Variants in RBFOX1 observed in about 807,000 individuals in gnomAD.
The protein encoded by RBFOX1 is RNA binding protein fox-1 homolog 1.
In RBFOX1, 8 loss-of-function variants were observed where a neutral mutation model predicts 57.7. That is an observed-to-expected ratio of 0.14 (90% confidence interval 0.08 to 0.25). The LOEUF (loss-of-function observed/expected upper bound fraction) is 0.25. RBFOX1 is among the 10% of genes least tolerant of loss of function. The probability of loss-of-function intolerance (pLI) is 1.00; values close to 1 mark genes in which losing one functional copy is unlikely to be tolerated. For missense variants in RBFOX1, 611 were observed against 548.5 expected (o/e 1.11, Z -1.14); for synonymous variants, 326 against 222.4 (o/e 1.47, Z -4.15).
At chr16:5,718,839 G>A (rs1463149183) in intron 3 of RBFOX1, among the ~76,000 whole-genome samples, 2 of 152,138 alleles carry the variant, frequency 1.3e-5, no homozygotes, top group Admixed American at 1.3e-4. Flanking sequence ...AACCTGGGAG[G>A]CTGAGGTCGC....
chr16:7,559,444 C>T (rs1408394864), intron 5 of RBFOX1, among the ~76,000 whole-genome samples: 2 of 152,152 alleles, frequency 1.3e-5, no homozygotes, highest in African/African-American at 4.8e-5. Context: ...CCATTGGAAA[C>T]ATCACCTGCC....
chr16:7,161,190 A>G (rs2078252804), intron 4 of RBFOX1, among the ~76,000 whole-genome samples: 1 of 152,184 alleles, frequency 6.6e-6, no homozygotes, highest in South Asian at 2.1e-4. Flanking sequence ...TATCTGCAGC[A>G]GGACTATGTG....
At chr16:7,189,278 T>C (rs916110745) in intron 4 of RBFOX1, among the ~76,000 whole-genome samples, 1 of 151,322 alleles carries the variant, frequency 6.6e-6, no homozygotes, top group Non-Finnish European at 1.5e-5. Flanking sequence ...ACAAAAAAAT[T>C]AGCCGGGCGT....
intron 2 of RBFOX1, among the ~76,000 whole-genome samples, chr16:6,560,617 G>C (rs768539815): frequency 7.2e-5 from 11 of 152,154 alleles, no homozygotes; most frequent in Admixed American, 3.9e-4. Context: ...GGACTTGTAG[G>C]CATTCAGGGC....
chr16:7,561,765 C>T (rs2152683981), intron 5 of RBFOX1, among the ~76,000 whole-genome samples: 1 of 152,324 alleles, frequency 6.6e-6, no homozygotes, highest in South Asian at 2.1e-4. Flanking sequence ...ATCTTAAATT[C>T]ATCACCCATT....
intron 2 of RBFOX1, among the ~76,000 whole-genome samples, chr16:6,488,090 G>T (rs992819036): frequency 1.3e-5 from 2 of 152,042 alleles, no homozygotes; most frequent in Non-Finnish European, 1.5e-5. Flanking sequence ...ACAAATCAAG[G>T]TGCACTATTT....
At chr16:7,219,876 T>C (rs1456737492) in intron 4 of RBFOX1, among the ~76,000 whole-genome samples, 2 of 152,220 alleles carry the variant, frequency 1.3e-5, no homozygotes, top group Non-Finnish European at 2.9e-5. Context: ...ATAAAGAAGT[T>C]TTCTAACCAA....
Position 5,580,898 on chromosome 16 carries a change from C to G in RBFOX1, c.259-18004C>G, listed in dbSNP as rs547139862. Among the ~76,000 whole-genome samples the G allele has an allele frequency of 3.9e-5, 6 of 152,284 alleles. No homozygotes were observed. In the East Asian group the frequency reaches 1.2e-3, roughly 29 times the overall value. On this transcript the variant is annotated intron_variant, in intron 2 of 2. Coordinates refer to the RBFOX1 transcript ENST00000585867. ...GGGAATGACATGCATCCACGCTGGTCCTTCCCAGTCATTCTATGGATGGGA... is the reference window on the plus strand; with the variant it reads ...GGGAATGACATGCATCCACGCTGGTGCTTCCCAGTCATTCTATGGATGGGA...
chr16:6,227,047 C>G (rs1245494291), intron 1 of RBFOX1, among the ~76,000 whole-genome samples: 1 of 151,598 alleles, frequency 6.6e-6, no homozygotes, highest in Non-Finnish European at 1.5e-5. Flanking sequence ...TCGCTTGAAT[C>G]TGGGAGGCAG....
At position 7,587,158 on chromosome 16, in the gene RBFOX1, A is replaced by C. The variant is rs2094173002; in HGVS notation, c.415-89A>C. ...GTATCCTTGGTATTAAAAGAGAAAA[A>C]AATGGACGTGGGAAACAATTACTAC... is the stretch of plus-strand genomic sequence containing the variant. On this transcript the variant is annotated intron_variant, in intron 6 of 15. Coordinates refer to ENST00000550418, the MANE Select transcript of RBFOX1 (RefSeq NM_018723.4). 5.3e-6 allele frequency: 7 copies of C among 1,309,326 alleles called. No individual in the cohort carries two copies. In the East Asian group the frequency reaches 2.0e-4, roughly 37 times the overall value. 81.1% of individuals were successfully genotyped at this position (1,309,326 alleles called of 1,614,324 possible). A position where few individuals can be genotyped will look rare whatever the true frequency, so the allele number is the denominator to read the frequency against.
At chr16:6,770,432 A>T (rs2078095743) in intron 3 of RBFOX1, among the ~76,000 whole-genome samples, 1 of 152,234 alleles carries the variant, frequency 6.6e-6, no homozygotes, top group African/African-American at 2.4e-5. Flanking sequence ...ATGTATACCC[A>T]GCTGCACCTA....
intron 4 of RBFOX1, among the ~76,000 whole-genome samples, chr16:7,329,245 T>C (rs1568234248): frequency 6.6e-6 from 1 of 152,186 alleles, no homozygotes; most frequent in Non-Finnish European, 1.5e-5. Context: ...TTGACTTCCG[T>C]ATGTTTCAGG....
chr16:5,507,337 G>A (rs1208171763), intron 2 of RBFOX1, among the ~76,000 whole-genome samples: 1 of 152,102 alleles, frequency 6.6e-6, no homozygotes, highest in Non-Finnish European at 1.5e-5. Flanking sequence ...CAAGCAGAAT[G>A]CAAGCTCCAT....
At chr16:6,594,889 A>T (rs1056269671) in intron 2 of RBFOX1, among the ~76,000 whole-genome samples, 4 of 152,128 alleles carry the variant, frequency 2.6e-5, no homozygotes, top group African/African-American at 4.8e-5. Context: ...CCCGGGTTCA[A>T]GCGATTCTCC....
chr16:6,429,715 A>G (rs2094023996), intron 2 of RBFOX1, among the ~76,000 whole-genome samples: 1 of 152,190 alleles, frequency 6.6e-6, no homozygotes, highest in African/African-American at 2.4e-5. Context: ...GGTTTTATAA[A>G]TGGGAATTCT....
chr16:5,819,612 C>T (rs766809281), intron 3 of RBFOX1, among the ~76,000 whole-genome samples: 21 of 152,200 alleles, frequency 1.4e-4, no homozygotes, highest in African/African-American at 4.8e-4. Context: ...GGAAGACTTA[C>T]GTTGTACTGA....
At chr16:6,420,665 C>A (rs1021935224) in intron 2 of RBFOX1, among the ~76,000 whole-genome samples, 1 of 152,180 alleles carries the variant, frequency 6.6e-6, no homozygotes, top group Non-Finnish European at 1.5e-5. Flanking sequence ...TTGGTGTTTG[C>A]TCATATGAAA....
At chr16:6,141,702 A>G (rs866844110) in intron 1 of RBFOX1, among the ~76,000 whole-genome samples, 3 of 148,108 alleles carry the variant, frequency 2.0e-5, no homozygotes, top group African/African-American at 8.0e-5. Context: ...TATTACAATA[A>G]GTTTCTTTTA....
chr16:5,707,856 A>T (rs982559265), intron 3 of RBFOX1, among the ~76,000 whole-genome samples: 1 of 152,224 alleles, frequency 6.6e-6, no homozygotes, highest in Non-Finnish European at 1.5e-5. Flanking sequence ...TAAGAATGCC[A>T]TTGGAATCAG....
Sources: gnomAD v4.1 joint callset for allele counts (sites outside exome capture counted in the v4.1 genomes callset) on GRCh38, gnomAD v4.1.1 for gene constraint, MANE v1.5 for transcripts, NCBI Gene and HGNC (gene_info 2026-07-23, HGNC 2026-07-21) for gene names.